Variants in PCDHA4 observed in about 807,000 individuals in gnomAD.
PCDHA4 encodes the protein protocadherin alpha-4.
In PCDHA4, 49 loss-of-function variants were observed where a neutral mutation model predicts 61.4. That is an observed-to-expected ratio of 0.80 (90% confidence interval 0.63 to 1.01). The LOEUF (loss-of-function observed/expected upper bound fraction) is 1.01. Ranked by LOEUF, PCDHA4 falls within the 50% of genes least tolerant of loss-of-function variation. The probability of loss-of-function intolerance (pLI) is 0.00; values close to 1 mark genes in which losing one functional copy is unlikely to be tolerated. For synonymous variants in PCDHA4, 590 were observed against 550.3 expected (o/e 1.07, Z -1.01); for missense variants, 1,254 against 1,235.8 (o/e 1.01, Z -0.22).
chr5:141,001,670 C>T (rs1554258276), intron 3 of PCDHA4, among the ~76,000 whole-genome samples: 1 of 151,900 alleles, frequency 6.6e-6, no homozygotes, highest in African/African-American at 2.4e-5. Flanking sequence ...CTTGTCCAGT[C>T]GGTCCAACAA....
Position 140,937,138 on chromosome 5 carries a change from T to C in PCDHA4, c.2386-41811T>C, listed in dbSNP as rs368450201. On this transcript the variant is annotated intron_variant, in intron 1 of 3. Coordinates refer to ENST00000530339, the MANE Select transcript of PCDHA4 (RefSeq NM_018907.4). ...CTGCAAGCTCCGCCTCCCGGGTTCA[T>C]GCCATTCTCCTGCCTCAGCCTCCCG... is the stretch of plus-strand genomic sequence containing the variant. 1.7e-4 allele frequency among the ~76,000 whole-genome samples: 25 copies of C among 151,290 alleles called. 1 individual carries two copies. In the South Asian group the frequency reaches 2.7e-3, roughly 16 times the overall value.
chr5:140,832,775 G>A (rs1250232820), intron 1 of PCDHA4, among the ~76,000 whole-genome samples: 1 of 152,166 alleles, frequency 6.6e-6, no homozygotes, highest in Non-Finnish European at 1.5e-5. Flanking sequence ...TGTAAGAGGT[G>A]CTAGAAAGGT....
In PCDHA4 at chr5:140,862,844, C is replaced by T. The variant is rs782433146; in HGVS notation, c.2385+53272C>T. 8 of 571,262 alleles carry T rather than the reference C, an allele frequency of 1.4e-5. No homozygotes were observed. In the East Asian group the frequency reaches 3.8e-4, roughly 27 times the overall value. The allele number at this position is 571,262 out of a possible 1,614,324, so 35.4% of individuals were successfully genotyped here. ...AGAGCGCGCGACGCGGGCATGCCGC[C>T]TCTGAGCAGCAATGTGACGCTGCCA... is the stretch of plus-strand genomic sequence containing the variant. On this transcript the variant is annotated intron_variant, in intron 1 of 3. Coordinates refer to ENST00000530339, the MANE Select transcript of PCDHA4 (RefSeq NM_018907.4).
At chr5:140,823,662 G>T in intron 1 of PCDHA4, 1 of 1,614,064 alleles carries the variant, frequency 6.2e-7, no homozygotes, top group Non-Finnish European at 8.5e-7. Context: ...ACACAGGCGA[G>T]ATCAGCACAA....
intron 1 of PCDHA4, chr5:140,848,253 T>C (rs1021743216): frequency 2.3e-5 from 11 of 469,010 alleles, no homozygotes; most frequent in African/African-American, 2.1e-4. Flanking sequence ...AGAATAACTG[T>C]GAAATTTTTA....
rs543804071 is a variant in PCDHA4, at chr5:140,951,447, C to T, written c.2386-27502C>T. Among the ~76,000 whole-genome samples the T allele has an allele frequency of 2.2e-4, 34 of 152,004 alleles. No homozygotes were observed. In the South Asian group the frequency reaches 5.8e-3, roughly 26 times the overall value. On this transcript the variant is annotated intron_variant, in intron 1 of 3. Coordinates refer to ENST00000530339, the MANE Select transcript of PCDHA4 (RefSeq NM_018907.4). ...CCACAGGCTGTAGGAAGCATGATGC[C>T]GGCCATCTGCTTGGCTTCTGGGGAG...
At chr5:140,948,620 TTAA>T (rs1422284059) in intron 1 of PCDHA4, among the ~76,000 whole-genome samples, 3 of 151,714 alleles carry the variant, frequency 2.0e-5, no homozygotes, top group Non-Finnish European at 4.4e-5. Context: ...CACAAAGTTG[TTAA>T]TAATATTCTC....
rs2150248878 is a variant in PCDHA4 at position 140,835,949 on chromosome 5, G to A, written c.2385+26377G>A. The A allele has an allele frequency of 3.1e-6, 5 of 1,612,866 alleles. No individual in the cohort carries two copies. In the South Asian group the frequency reaches 3.3e-5, roughly 11 times the overall value. On this transcript the variant is annotated intron_variant, in intron 1 of 3. Coordinates refer to ENST00000530339, the MANE Select transcript of PCDHA4 (RefSeq NM_018907.4). ...GCGGCAAGGTGTACGCGCTGCAGCCGTTGGACCACGAGGAGCTGGAGCTGT... is the reference window on the plus strand; with the variant it reads ...GCGGCAAGGTGTACGCGCTGCAGCCATTGGACCACGAGGAGCTGGAGCTGT...
intron 1 of PCDHA4, chr5:140,829,396 G>A (rs2150167101): frequency 6.2e-7 from 1 of 1,614,172 alleles, no homozygotes. Context: ...CGCCTTCGCT[G>A]TGGGCCACCG....
intron 1 of PCDHA4, chr5:140,821,739 G>T (rs2150110310): frequency 6.5e-7 from 1 of 1,546,468 alleles, no homozygotes; most frequent in Non-Finnish European, 8.7e-7. Context: ...ATTGTGTGGT[G>T]ATGCAATAGA....
At position 140,946,014 on chromosome 5, in the gene PCDHA4, C is replaced by T. The variant is rs116323983; in HGVS notation, c.2386-32935C>T. On this transcript the variant is annotated intron_variant, in intron 1 of 3. Coordinates refer to ENST00000530339, the MANE Select transcript of PCDHA4 (RefSeq NM_018907.4). ...ATTGCATCAAACTAAAAAGCTCCTG[C>T]GCAGCAAAGAAAACAAGAGTGAAGG... Among the ~76,000 whole-genome samples, 849 of 151,986 alleles carry T rather than the reference C, an allele frequency of 5.6e-3. 7 individuals carry two copies. The highest frequency in any genetic ancestry group is 0.02 in the African/African-American group (814 of 41,504).
At chr5:140,853,460 T>C in intron 1 of PCDHA4, 2 of 974,384 alleles carry the variant, frequency 2.1e-6, no homozygotes, top group Non-Finnish European at 2.5e-6. Flanking sequence ...TCTCCTTATA[T>C]GCATCTGTAG....
chr5:140,814,710 G>A (rs1765569833), intron 1 of PCDHA4: 1 of 152,130 alleles, frequency 6.6e-6, no homozygotes, highest in South Asian at 2.1e-4. Context: ...TCATCACTAG[G>A]TGATAGGAAT....
chr5:140,841,176 A>G, intron 1 of PCDHA4: 24 of 1,081,656 alleles, frequency 2.2e-5, no homozygotes, highest in Non-Finnish European at 3.1e-5. Context: ...TGGTTGGTCA[A>G]TGTTCAAAGT....
chr5:140,883,954 T>A (rs2059908896), intron 1 of PCDHA4: 1 of 1,612,680 alleles, frequency 6.2e-7, no homozygotes, highest in Non-Finnish European at 8.5e-7. Flanking sequence ...ACGACAACGC[T>A]CCGGCGCTGC....
chr5:140,906,930 G>A (rs1006674722), intron 1 of PCDHA4, among the ~76,000 whole-genome samples: 3 of 152,246 alleles, frequency 2.0e-5, no homozygotes, highest in Non-Finnish European at 4.4e-5. Flanking sequence ...AAAGTGTCCC[G>A]GTGTCAATCT....
rs181226204 is a variant in PCDHA4 at position 140,840,969 on chromosome 5, A to C, written c.2385+31397A>C. On this transcript the variant is annotated intron_variant, in intron 1 of 3. Transcript: ENST00000530339. ...TTGGGAAGAAATTCCTTTCCTTATG[A>C]AGAAGAAATCCCTAGCTGAAACTAA... 5.9e-5 allele frequency among the ~76,000 whole-genome samples: 9 copies of C among 152,188 alleles called. No individual in the cohort carries two copies. The East Asian group carries it at 1.7e-3, about 29-fold the overall frequency.
Position 140,808,537 on chromosome 5 carries a change from C to G in PCDHA4, c.1350C>G (p.Asp450Glu). 1 of 1,614,170 alleles carries G rather than the reference C, an allele frequency of 6.2e-7. No homozygotes were observed. The highest frequency in any genetic ancestry group is 8.5e-7 in the Non-Finnish European group (1 of 1,180,046). Residue 450 changes from aspartate to glutamate, a missense_variant, in exon 1 of 4, where the codon GAC becomes GAG. Coordinates refer to ENST00000530339, the MANE Select transcript of PCDHA4 (RefSeq NM_018907.4). ...CTGTGGAGGTGGCTGATGTGAACGA[C>G]AACGCTCCGGCGTTCGCGCAGCCCG... ...SVSVEVADVNDNAPAFAQPEY... is the reference protein window; with the variant it reads ...SVSVEVADVNENAPAFAQPEY...
chr5:140,966,740 C>T lies in PCDHA4; in HGVS notation c.2386-12209C>T, dbSNP rs782420339. 10 of 1,422,580 alleles carry T rather than the reference C, an allele frequency of 7.0e-6. No individual in the cohort carries two copies. In the Admixed American group the frequency reaches 8.4e-5, roughly 12 times the overall value. 88.1% of individuals were successfully genotyped at this position (1,422,580 alleles called of 1,614,324 possible). ...GGAAGCTGCCGCCTCCGGCCCTGCC[C>T]GGCTGCCTCCGCCGCGGCCAGTGGC... On this transcript the variant is annotated intron_variant, in intron 1 of 3. Transcript: ENST00000530339.
Sources: gnomAD v4.1 joint callset for allele counts (sites outside exome capture counted in the v4.1 genomes callset) on GRCh38, gnomAD v4.1.1 for gene constraint, MANE v1.5 for transcripts, NCBI Gene and HGNC (gene_info 2026-07-23, HGNC 2026-07-21) for gene names.